The following ETS1 variants were observed in gnomAD, a reference collection of about 807,000 sequenced individuals.
The protein encoded by ETS1 is protein C-ets-1.
In ETS1, 15 loss-of-function variants were observed where a neutral mutation model predicts 58.6. That is an observed-to-expected ratio of 0.26 (90% CI 0.17 to 0.39). The LOEUF (loss-of-function observed/expected upper bound fraction) is 0.39. ETS1 is among the 10% of genes least tolerant of loss of function. ETS1 has a pLI of 1.00. For missense variants in ETS1, 417 were observed against 610.5 expected (o/e 0.68, Z 3.34); for synonymous variants, 214 against 218.2 (o/e 0.98, Z 0.17).
intron 1 of ETS1, among the ~76,000 whole-genome samples, chr11:128,586,026 A>G (rs1217820855): frequency 1.3e-5 from 2 of 152,222 alleles, no homozygotes; most frequent in East Asian, 3.9e-4. Context: ...ACATCCTTTC[A>G]CAGCCAGCAA....
At chr11:128,473,576 G>T (rs1420167812) in intron 8 of ETS1, among the ~76,000 whole-genome samples, 1 of 152,010 alleles carries the variant, frequency 6.6e-6, no homozygotes, top group Non-Finnish European at 1.5e-5. Flanking sequence ...CCTGAATGTT[G>T]CCCTTGGTAA....
At chr11:128,519,719 C>T (rs1863613931) in intron 3 of ETS1, among the ~76,000 whole-genome samples, 1 of 152,198 alleles carries the variant, frequency 6.6e-6, no homozygotes, top group Admixed American at 6.5e-5. Flanking sequence ...AAGCAATATA[C>T]ATTGCGAAGT....
intron 1 of ETS1, among the ~76,000 whole-genome samples, chr11:128,581,232 C>A (rs560272123): frequency 6.6e-6 from 1 of 152,304 alleles, no homozygotes; most frequent in South Asian, 2.1e-4. Flanking sequence ...TTAAAACCTG[C>A]CGACTCTTAG....
At chr11:128,493,502 C>G (rs544533380) in intron 3 of ETS1, among the ~76,000 whole-genome samples, 2 of 152,350 alleles carry the variant, frequency 1.3e-5, no homozygotes, top group African/African-American at 4.8e-5. Context: ...CCTGGCTCTG[C>G]CCCTCTGGCT....
chr11:128,536,873 G>C (rs539752105), intron 3 of ETS1: 1 of 152,136 alleles, frequency 6.6e-6, no homozygotes, highest in African/African-American at 2.4e-5. Flanking sequence ...TTTTTTATGT[G>C]TCAAACTTCA....
intron 3 of ETS1, among the ~76,000 whole-genome samples, chr11:128,548,131 G>GAAAGGAAAGGAAAGC (rs1864161531): frequency 6.8e-6 from 1 of 147,416 alleles, no homozygotes; most frequent in African/African-American, 2.5e-5. Context: ...GAAAGGAAAG[G>GAAAGGAAAGGAAAGC]AAAGGGAAGG....
intron 3 of ETS1, among the ~76,000 whole-genome samples, chr11:128,507,613 C>A (rs551353588): frequency 6.6e-6 from 1 of 152,214 alleles, no homozygotes; most frequent in African/African-American, 2.4e-5. Context: ...TGCATGGTTC[C>A]TGCAGACATC....
intron 3 of ETS1, chr11:128,505,301 GGCCAGT>G (rs1863199692): frequency 6.6e-6 from 1 of 152,214 alleles, no homozygotes; most frequent in African/African-American, 2.4e-5. Context: ...CAGGGGCACT[GGCCAGT>G]AAGTTGAATC....
intron 1 of ETS1, among the ~76,000 whole-genome samples, chr11:128,576,015 C>T (rs1864739338): frequency 6.6e-6 from 1 of 152,224 alleles, no homozygotes; most frequent in Non-Finnish European, 1.5e-5. Context: ...TTCTCATTGA[C>T]AGAGTGAGAG....
At chr11:128,573,033 A>G (rs1469323349) in intron 2 of ETS1, 29 bp downstream of exon 2, 17 of 1,578,086 alleles carry the variant, frequency 1.1e-5, no homozygotes, top group Non-Finnish European at 1.3e-5. Flanking sequence ...TTGTGTGGGC[A>G]AAGGGGCAGG....
chr11:128,502,504 C>T (rs1015751123), intron 3 of ETS1, among the ~76,000 whole-genome samples: 2 of 152,140 alleles, frequency 1.3e-5, no homozygotes, highest in Non-Finnish European at 1.5e-5. Flanking sequence ...TGTTTAGGAG[C>T]ACTATAAAGG....
intron 4 of ETS1, 71 bp from the exon 5 acceptor site, chr11:128,489,561 A>T (rs552006488): frequency 1.1e-5 from 14 of 1,231,184 alleles, no homozygotes; most frequent in Non-Finnish European, 1.7e-5. Flanking sequence ...CAGAGAGGAC[A>T]CTGAAGGAGC....
At chr11:128,478,732 G>A (rs1862402481) in intron 8 of ETS1, among the ~76,000 whole-genome samples, 1 of 152,032 alleles carries the variant, frequency 6.6e-6, no homozygotes, top group South Asian at 2.1e-4. Flanking sequence ...CCCCTAACAG[G>A]TATAACTGCA....
At chr11:128,515,583 A>C (rs922079881) in intron 3 of ETS1, among the ~76,000 whole-genome samples, 9 of 152,166 alleles carry the variant, frequency 5.9e-5, no homozygotes, top group African/African-American at 1.2e-4. Context: ...CGATTGACCA[A>C]ATTTAGTGTC....
At chr11:128,512,555 A>G (rs1332008446) in intron 3 of ETS1, among the ~76,000 whole-genome samples, 1 of 152,206 alleles carries the variant, frequency 6.6e-6, no homozygotes, top group Non-Finnish European at 1.5e-5. Flanking sequence ...AGCCCAGTAC[A>G]TTTGTAGCTT....
chr11:128,489,548 C>T (rs1472457558), intron 4 of ETS1, 58 bp from the exon 5 acceptor site: 1 of 1,396,050 alleles, frequency 7.2e-7, no homozygotes, highest in Non-Finnish European at 1.0e-6. Context: ...CCTATCCAAG[C>T]CTCAGAGAGG....
At chr11:128,491,765 T>C (rs1449191198) in intron 3 of ETS1, among the ~76,000 whole-genome samples, 1 of 152,192 alleles carries the variant, frequency 6.6e-6, no homozygotes, top group African/African-American at 2.4e-5. Flanking sequence ...TAAGTGAACA[T>C]GACTTCAAGT....
chr11:128,546,615 AG>A (rs1310629552), intron 3 of ETS1, among the ~76,000 whole-genome samples: 1 of 152,204 alleles, frequency 6.6e-6, no homozygotes, highest in East Asian at 1.9e-4. Context: ...GACAAGAAAA[AG>A]TCAGTACATG....
In ETS1 at chr11:128,462,133, G is replaced by A. The variant is rs950377712; in HGVS notation, c.*228C>T. On this transcript the variant is annotated 3_prime_UTR_variant, in exon 10 of 10. Coordinates refer to ENST00000392668, the MANE Select transcript of ETS1 (RefSeq NM_001143820.2). ...CTGAGAAGGCCCTTCTCCCTCTCCT[G>A]AAAATTTGCTCAAGAATTTCTGGTC... 4 of 514,174 alleles carry A rather than the reference G, an allele frequency of 7.8e-6. No individual in the cohort carries two copies. Among genetic ancestry groups the A allele is most frequent in the Non-Finnish European group, 1.4e-5 (4 of 287,168 alleles). The allele number at this position is 514,174 out of a possible 1,614,324, so 31.9% of individuals were successfully genotyped here.
Sources: gnomAD v4.1 joint callset for allele counts (sites outside exome capture counted in the v4.1 genomes callset) on GRCh38, gnomAD v4.1.1 for gene constraint, MANE v1.5 for transcripts, NCBI Gene and HGNC (gene_info 2026-07-23, HGNC 2026-07-21) for gene names.